The following NTM variants were observed in gnomAD, a reference collection of about 807,000 sequenced individuals.
NTM encodes IgLON family member 2.
In NTM, 13 loss-of-function variants were observed where a neutral mutation model predicts 42.1. That is an observed-to-expected ratio of 0.31 (90% CI 0.20 to 0.49). The LOEUF (loss-of-function observed/expected upper bound fraction) is 0.49, where lower values mean the gene tolerates loss of function less well. Ranked by LOEUF, NTM falls within the 20% of genes least tolerant of loss-of-function variation. NTM has a pLI of 0.99. For synonymous variants in NTM, 187 were observed against 179.2 expected, an observed-to-expected ratio of 1.04 and a Z score of -0.35; for missense variants, 373 against 452.8, an observed-to-expected ratio of 0.82 and a Z score of 1.60.
intron 4 of NTM, among the ~76,000 whole-genome samples, chr11:132,264,727 A>G (rs1030891843): frequency 1.3e-5 from 2 of 152,344 alleles, no homozygotes; most frequent in Admixed American, 1.3e-4. Flanking sequence ...TTATATTTAC[A>G]TACCACTTTT....
intron 1 of NTM, among the ~76,000 whole-genome samples, chr11:131,401,834 ATATATATATATATATATATATATATATT>A (rs1945247334): frequency 1.2e-5 from 1 of 86,274 alleles, no homozygotes; most frequent in Non-Finnish European, 2.5e-5. Context: ...ATATATATAT[ATATATATATATATATATATATATATATT>A]TTAATTTAAA....
At chr11:131,784,259 A>G (rs2088718901) in intron 1 of NTM, among the ~76,000 whole-genome samples, 1 of 152,126 alleles carries the variant, frequency 6.6e-6, no homozygotes. Context: ...ACCATACAAT[A>G]ACATATGACC....
At chr11:131,583,707 C>T (rs2137207824) in intron 1 of NTM, among the ~76,000 whole-genome samples, 1 of 152,310 alleles carries the variant, frequency 6.6e-6, no homozygotes, top group East Asian at 1.9e-4. Context: ...CCTCACATCA[C>T]ACAACGAATT....
intron 1 of NTM, among the ~76,000 whole-genome samples, chr11:131,674,352 G>C (rs932443267): frequency 6.6e-6 from 1 of 152,232 alleles, no homozygotes; most frequent in African/African-American, 2.4e-5. Flanking sequence ...GGCTGGTATA[G>C]TAGGAAGAAA....
chr11:132,103,399 C>T (rs982523687), intron 2 of NTM, among the ~76,000 whole-genome samples: 1 of 152,194 alleles, frequency 6.6e-6, no homozygotes, highest in African/African-American at 2.4e-5. Context: ...TGGAGCACAC[C>T]ACTACAAATA....
chr11:132,225,756 G>C (rs1047277018), intron 4 of NTM, among the ~76,000 whole-genome samples: 3 of 152,040 alleles, frequency 2.0e-5, no homozygotes, highest in Admixed American at 2.0e-4. Flanking sequence ...TACGTGTGCA[G>C]AAAGTGCAGG....
chr11:132,293,676 GTT>G (rs34368571), intron 4 of NTM, among the ~76,000 whole-genome samples: 5 of 147,388 alleles, frequency 3.4e-5, no homozygotes, highest in African/African-American at 1.2e-4. Flanking sequence ...GAAATGTAAG[GTT>G]TTTTTTTTTT....
At chr11:131,636,567 C>T (rs2064419800) in intron 1 of NTM, among the ~76,000 whole-genome samples, 2 of 152,196 alleles carry the variant, frequency 1.3e-5, no homozygotes, top group Non-Finnish European at 2.9e-5. Context: ...ACGATGCAGA[C>T]TGCCTGGCAT....
At chr11:131,860,864 T>C (rs1403732197) in intron 1 of NTM, among the ~76,000 whole-genome samples, 1 of 152,172 alleles carries the variant, frequency 6.6e-6, no homozygotes, top group Non-Finnish European at 1.5e-5. Flanking sequence ...GCTGGCTACA[T>C]ACTTATGAAA....
intron 1 of NTM, among the ~76,000 whole-genome samples, chr11:131,799,512 A>T (rs1464742640): frequency 6.6e-6 from 1 of 152,142 alleles, no homozygotes; most frequent in African/African-American, 2.4e-5. Flanking sequence ...TCTGGGTTGG[A>T]AAAGAGGGGA....
At chr11:131,833,265 C>T (rs1310947686) in intron 1 of NTM, among the ~76,000 whole-genome samples, 1 of 152,214 alleles carries the variant, frequency 6.6e-6, no homozygotes, top group Admixed American at 6.5e-5. Flanking sequence ...TGCACTCTGA[C>T]ATTTCCTAGC....
In NTM at chr11:132,335,112, C is replaced by T; in HGVS notation, c.1034C>T (p.Pro345Leu). 1 of 1,612,756 alleles carries T rather than the reference C, an allele frequency of 6.2e-7. No individual in the cohort carries two copies. The highest frequency in any genetic ancestry group is 8.5e-7 in the Non-Finnish European group (1 of 1,180,016). The change falls in exon 9 of 9, where the codon CCT becomes CTT. Residue 345 changes from proline to leucine, a missense_variant. Pro to Leu is a moderately conservative substitution (Grantham distance 98, BLOSUM62 -3). Coordinates refer to ENST00000683400, the MANE Select transcript of NTM (RefSeq NM_001352005.2). ...SRRAGCVWLL[P>L]LLVLHLLLKF ...AGGGCAGGCTGCGTCTGGCTGCTGCCTCTTCTGGTCTTGCACCTGCTTCTC... is the reference window on the plus strand; with the variant it reads ...AGGGCAGGCTGCGTCTGGCTGCTGCTTCTTCTGGTCTTGCACCTGCTTCTC...
chr11:131,540,154 G>GTTT (rs57022166), intron 1 of NTM, among the ~76,000 whole-genome samples: 2 of 86,684 alleles, frequency 2.3e-5, no homozygotes, highest in African/African-American at 4.2e-5. Context: ...ATTTAAGCTT[G>GTTT]TTTTTTTTTT....
chr11:132,182,451 A>G (rs1311487256), intron 3 of NTM, among the ~76,000 whole-genome samples: 1 of 152,198 alleles, frequency 6.6e-6, no homozygotes, highest in Non-Finnish European at 1.5e-5. Flanking sequence ...CGTGTCATGT[A>G]TAAAATCAGG....
intron 3 of NTM, among the ~76,000 whole-genome samples, chr11:132,195,536 A>G (rs901608499): frequency 6.6e-6 from 1 of 152,154 alleles, no homozygotes. Flanking sequence ...CAGAGGCATT[A>G]TATTACTTGA....
At chr11:131,885,656 G>A (rs1321252708) in intron 1 of NTM, among the ~76,000 whole-genome samples, 1 of 152,170 alleles carries the variant, frequency 6.6e-6, no homozygotes, top group East Asian at 1.9e-4. Flanking sequence ...TTAGTTCACA[G>A]AGGGGAAGGA....
intron 4 of NTM, among the ~76,000 whole-genome samples, chr11:132,254,946 C>T (rs533710691): frequency 6.6e-6 from 1 of 152,308 alleles, no homozygotes; most frequent in South Asian, 2.1e-4. Flanking sequence ...CAAGCACATC[C>T]CAATTGTGAT....
chr11:132,102,323 T>G (rs1318810369), intron 2 of NTM, among the ~76,000 whole-genome samples: 1 of 152,200 alleles, frequency 6.6e-6, no homozygotes, highest in Non-Finnish European at 1.5e-5. Context: ...TCGTTCTGTC[T>G]CCAATGCAAG....
chr11:131,973,732 G>A (rs188407342), intron 2 of NTM, among the ~76,000 whole-genome samples: 140 of 152,284 alleles, frequency 9.2e-4, no homozygotes, highest in Non-Finnish European at 1.3e-3. Flanking sequence ...CAGGAGAATC[G>A]CTTGAACCCG....
Sources: allele counts gnomAD v4.1 joint callset (sites outside exome capture counted in the v4.1 genomes callset), GRCh38; gene constraint gnomAD v4.1.1; transcripts MANE v1.5; gene names NCBI Gene and HGNC (gene_info 2026-07-23, HGNC 2026-07-21).